Variants in PRRG3 observed in about 807,000 individuals in gnomAD.
PRRG3 encodes proline rich and Gla domain 3.
PRRG3 carries 21 observed loss-of-function variants against 15.8 expected under a neutral mutation model. That is an observed-to-expected ratio of 1.33 (90% CI 0.94 to 1.92). The LOEUF (loss-of-function observed/expected upper bound fraction) is 1.92. PRRG3 is among the 40% of genes most tolerant of loss of function. PRRG3 has a pLI of 0.00. For synonymous variants in PRRG3, 125 were observed against 84.1 expected (o/e 1.49, Z -2.66); for missense variants, 251 against 200.2 (o/e 1.25, Z -1.53).
Position 151,703,018 on chromosome X carries a change from A to G in PRRG3, c.*1985A>G, listed in dbSNP as rs986635818. 1.8e-5 allele frequency: 2 copies of G among 112,713 alleles called. No homozygotes were observed. Among genetic ancestry groups the G allele is most frequent in the African/African-American group, 6.5e-5 (2 of 30,985 alleles). The allele number at this position is 112,713 out of a possible 1,213,427, so 9.3% of individuals were successfully genotyped here. On this transcript the variant is annotated 3_prime_UTR_variant, in exon 4 of 4. Coordinates refer to ENST00000674457, the MANE Select transcript of PRRG3 (RefSeq NM_001372163.1). ...CTACTCAGTTAGCACAGAGCCAGGC[A>G]TGAGCTCCACTGATCAGAGCCAAAG...
chrX:151,700,724 C>A lies in PRRG3; in HGVS notation c.387C>A (p.Leu129=). 2 of 1,209,536 alleles carry A rather than the reference C, an allele frequency of 1.7e-6. No individual in the cohort carries two copies. Among genetic ancestry groups the A allele is most frequent in the East Asian group, 3.0e-5 (1 of 33,755 alleles). Residue 129 remains leucine (L), a synonymous_variant, in exon 4 of 4, where the codon CTC becomes CTA. Transcript: ENST00000674457. ...TAGCCAGTCGCGCCGGGCACACCCT[C>A]CCCCGGGTCATGGTGTACCGGGGTA... ...RYLASRAGHT[L]PRVMVYRGTV... is the part of the protein sequence containing the mutation.
At position 151,705,726 on chromosome X, in the gene PRRG3, G is replaced by A. The variant is rs1363203020; in HGVS notation, c.*4693G>A. On this transcript the variant is annotated 3_prime_UTR_variant, in exon 4 of 4. Coordinates refer to ENST00000674457, the MANE Select transcript of PRRG3 (RefSeq NM_001372163.1). ...CTTTAAACTGTGCTTGTATTCATGTGTTGACCCTTGTCAGCTGGGAAATCT... is the reference window on the plus strand; with the variant it reads ...CTTTAAACTGTGCTTGTATTCATGTATTGACCCTTGTCAGCTGGGAAATCT... 1 of 126,186 alleles carries A rather than the reference G, an allele frequency of 7.9e-6. No homozygotes were observed. Among genetic ancestry groups the A allele is most frequent in the East Asian group, 2.4e-4 (1 of 4,203 alleles). 10.4% of individuals were successfully genotyped at this position (126,186 alleles called of 1,213,427 possible). A position where few individuals can be genotyped will look rare whatever the true frequency, so the allele number is the denominator to read the frequency against.
At position 151,698,694 on chromosome X, in the gene PRRG3, G is replaced by A; in HGVS notation, c.-31-90G>A. On this transcript the variant is annotated intron_variant, in intron 1 of 3. Transcript: ENST00000674457. ...CTGCTTCAACCTTTTGACCACGCCA[G>A]TGGGAGGGGGGCACATCCCAGAGCC... 3 of 706,410 alleles carry A rather than the reference G, an allele frequency of 4.2e-6. No homozygotes were observed. In the South Asian group the frequency reaches 8.1e-5, roughly 19 times the overall value. 58.2% of individuals were successfully genotyped at this position (706,410 alleles called of 1,213,427 possible).
Position 151,705,305 on chromosome X carries a change from G to A in PRRG3, c.*4272G>A, listed in dbSNP as rs191108906. ...TGTCAGACTGGCCGCTCCATCATTC[G>A]CCTCCAAATATTCAAACGTGGGAGC... On this transcript the variant is annotated 3_prime_UTR_variant, in exon 4 of 4. Transcript: ENST00000674457. 5.6e-5 allele frequency: 19 copies of A among 341,629 alleles called. No homozygotes were observed. The highest frequency in any genetic ancestry group is 3.9e-4 in the East Asian group (4 of 10,260). The allele number at this position is 341,629 out of a possible 1,213,427, so 28.2% of individuals were successfully genotyped here. A position where few individuals can be genotyped will look rare whatever the true frequency, so the allele number is the denominator to read the frequency against.
rs966971861 is a variant in PRRG3 at position 151,701,040 on chromosome X, G to A, written c.*7G>A. 8.9e-6 allele frequency: 10 copies of A among 1,124,931 alleles called. 3 individuals are homozygous for A. The Admixed American group carries it at 2.0e-4, about 23-fold the overall frequency. The allele number at this position is 1,124,931 out of a possible 1,213,427, so 92.7% of individuals were successfully genotyped here. On this transcript the variant is annotated 3_prime_UTR_variant, in exon 4 of 4. Coordinates refer to ENST00000674457, the MANE Select transcript of PRRG3 (RefSeq NM_001372163.1). ...CCCTGGCGCTGACAAGTAGTGGGAC[G>A]TTTGTGCCCTGTCCTGGATGAACGC...
At chrX:151,697,606 C>G (rs2014790141) in intron 1 of PRRG3, among the ~76,000 whole-genome samples, 1 of 111,575 alleles carries the variant, frequency 9.0e-6, no homozygotes, top group Non-Finnish European at 1.9e-5. Flanking sequence ...AGCTGGGCTT[C>G]CAGGGTGCCT....
chrX:151,703,765 G>A lies in PRRG3; in HGVS notation c.*2732G>A, dbSNP rs771145512. On this transcript the variant is annotated 3_prime_UTR_variant, in exon 4 of 4. Coordinates refer to ENST00000674457, the MANE Select transcript of PRRG3 (RefSeq NM_001372163.1). The stretch of plus-strand genomic sequence containing the variant: ...CAGGTCTCCACCCTATGCAACCCCC[G>A]CTCACACGCCCTTTTGGCATGGTGC... The A allele has an allele frequency of 1.3e-4, 14 of 107,091 alleles. No individual in the cohort carries two copies. Among genetic ancestry groups the A allele is most frequent in the Non-Finnish European group, 2.5e-4 (13 of 52,248 alleles). The allele number at this position is 107,091 out of a possible 1,213,427, so 8.8% of individuals were successfully genotyped here.
chrX:151,699,179 C>T (rs780674113), intron 2 of PRRG3, among the ~76,000 whole-genome samples: 21 of 112,807 alleles, frequency 1.9e-4, no homozygotes, highest in African/African-American at 5.8e-4. Flanking sequence ...CAGGAGCAAA[C>T]GTCACCTCTT....
Position 151,701,534 on chromosome X carries a change from G to A in PRRG3, c.*501G>A, listed in dbSNP as rs2014886521. The A allele has an allele frequency of 8.7e-6, 1 of 114,834 alleles. No individual in the cohort carries two copies. Among genetic ancestry groups the A allele is most frequent in the Non-Finnish European group, 1.8e-5 (1 of 54,919 alleles). The allele number at this position is 114,834 out of a possible 1,213,427, so 9.5% of individuals were successfully genotyped here. Reference sequence around the variant, plus strand: ...CTTACATTTGGAGGACAGGGACAAGGACTGAGCAAAAACAAAATGAAAAAA... The same window carrying A: ...CTTACATTTGGAGGACAGGGACAAGAACTGAGCAAAAACAAAATGAAAAAA... On this transcript the variant is annotated 3_prime_UTR_variant, in exon 4 of 4. Transcript: ENST00000674457.
rs1422771237 is a variant in PRRG3, at chrX:151,701,853, C to T, written c.*820C>T. ...CTGTGTTCAAACCACTACCCACTGG[C>T]ATGAGCCTACTTTTTGCGAATGGTG... On this transcript the variant is annotated 3_prime_UTR_variant, in exon 4 of 4. Transcript: ENST00000674457. 4 of 112,859 alleles carry T rather than the reference C, an allele frequency of 3.5e-5. No homozygotes were observed. Among genetic ancestry groups the T allele is most frequent in the Non-Finnish European group, 7.5e-5 (4 of 53,375 alleles). 9.3% of individuals were successfully genotyped at this position (112,859 alleles called of 1,213,427 possible). A position where few individuals can be genotyped will look rare whatever the true frequency, so the allele number is the denominator to read the frequency against.
rs1233779212 is a variant in PRRG3 at position 151,703,590 on chromosome X, T to C, written c.*2557T>C. On this transcript the variant is annotated 3_prime_UTR_variant, in exon 4 of 4. Coordinates refer to ENST00000674457, the MANE Select transcript of PRRG3 (RefSeq NM_001372163.1). ...GGGATCCGGTCTGAAAAGAGGAATG[T>C]CACCTCCCCTCGCAGGGCTGAGTAG... is the stretch of plus-strand genomic sequence containing the variant. The C allele has an allele frequency of 9.0e-6, 1 of 110,792 alleles. No homozygotes were observed. Among genetic ancestry groups the C allele is most frequent in the Non-Finnish European group, 1.9e-5 (1 of 52,980 alleles). 9.1% of individuals were successfully genotyped at this position (110,792 alleles called of 1,213,427 possible).
rs763576013 is a variant in PRRG3 at position 151,704,063 on chromosome X, C to T, written c.*3030C>T. 9.3e-6 allele frequency: 1 copy of T among 108,050 alleles called. No individual in the cohort carries two copies. Among genetic ancestry groups the T allele is most frequent in the Non-Finnish European group, 1.9e-5 (1 of 52,245 alleles). The allele number at this position is 108,050 out of a possible 1,213,427, so 8.9% of individuals were successfully genotyped here. On this transcript the variant is annotated 3_prime_UTR_variant, in exon 4 of 4. Coordinates refer to ENST00000674457, the MANE Select transcript of PRRG3 (RefSeq NM_001372163.1). ...AAAAATTTTCTTGAAATGTGACTGT[C>T]ACTTGTTTTCAACCAAAAACTTTTT...
chrX:151,702,665 TCCA>T lies in PRRG3; in HGVS notation c.*1634_*1636del, dbSNP rs2014905198. The T allele has an allele frequency of 8.9e-6, 1 of 112,525 alleles. No individual in the cohort carries two copies. Among genetic ancestry groups the T allele is most frequent in the Non-Finnish European group, 1.9e-5 (1 of 53,287 alleles). The allele number at this position is 112,525 out of a possible 1,213,427, so 9.3% of individuals were successfully genotyped here. ...CCTCATATGCCTCTGATGTTGAGTC[TCCA>T]CTTGGAGAGTCAATCTCCCGTCAGT... On this transcript the variant is annotated 3_prime_UTR_variant, in exon 4 of 4. Transcript: ENST00000674457.
chrX:151,705,574 A>G lies in PRRG3; in HGVS notation c.*4541A>G, dbSNP rs1421692401. 1 of 252,755 alleles carries G rather than the reference A, an allele frequency of 4.0e-6. No individual in the cohort carries two copies. Among genetic ancestry groups the G allele is most frequent in the African/African-American group, 2.9e-5 (1 of 34,616 alleles). The allele number at this position is 252,755 out of a possible 1,213,427, so 20.8% of individuals were successfully genotyped here. On this transcript the variant is annotated 3_prime_UTR_variant, in exon 4 of 4. Transcript: ENST00000674457. ...CAATCCATCTCCCCTCATCGATACC[A>G]ATTTCCCAGGCCTGAACACATCTGT...
In PRRG3 at chrX:151,700,091, G is replaced by A. The variant is rs2014837353; in HGVS notation, c.103G>A (p.Glu35Lys). ...GCTGCGCCAGGGCACCATCGAGCGA[G>A]AGTGCATGGAGGAGATCTGCAGCTA... ...EELRQGTIERECMEEICSYEE... is the reference protein window; with the variant it reads ...EELRQGTIERKCMEEICSYEE... Residue 35 changes from glutamate to lysine, a missense_variant, in exon 3 of 4, where the codon GAG (glutamate) becomes AAG (lysine). Coordinates refer to ENST00000674457, the MANE Select transcript of PRRG3 (RefSeq NM_001372163.1). 1 of 1,212,031 alleles carries A rather than the reference G, an allele frequency of 8.3e-7. No homozygotes were observed. The highest frequency in any genetic ancestry group is 1.1e-6 in the Non-Finnish European group (1 of 895,546).
chrX:151,696,142 G>A (rs1194402463), intron 1 of PRRG3, among the ~76,000 whole-genome samples: 2 of 111,628 alleles, frequency 1.8e-5, no homozygotes, highest in African/African-American at 3.3e-5. Flanking sequence ...AATTCCTTCC[G>A]CCTACAGTCA....
chrX:151,698,944 C>G, intron 2 of PRRG3, 123 bp downstream of exon 2: 1 of 608,126 alleles, frequency 1.6e-6, no homozygotes, highest in Non-Finnish European at 2.6e-6. Flanking sequence ...AGCCATTTTC[C>G]AAATGGCTGA....
chrX:151,698,958 G>A (rs2014814274), intron 2 of PRRG3, 137 bp downstream of exon 2: 2 of 525,146 alleles, frequency 3.8e-6, no homozygotes, highest in South Asian at 3.5e-5. Context: ...TGGCTGAGTA[G>A]CAGTTTTGCC....
rs1424395368 is a variant in PRRG3, at chrX:151,703,848, C to A, written c.*2815C>A. The A allele has an allele frequency of 3.3e-4, 24 of 71,857 alleles. 1 individual carries two copies. The highest frequency in any genetic ancestry group is 1.3e-3 in the African/African-American group (24 of 17,983). The allele number at this position is 71,857 out of a possible 1,213,427, so 5.9% of individuals were successfully genotyped here. ...GCAGCTGAAAGAAATCTGAGTACTC[C>A]TGGGCATGGTTTTTTTTTTTTTTTT... On this transcript the variant is annotated 3_prime_UTR_variant, in exon 4 of 4. Coordinates refer to ENST00000674457, the MANE Select transcript of PRRG3 (RefSeq NM_001372163.1).
Sources: allele counts gnomAD v4.1 joint callset (sites outside exome capture counted in the v4.1 genomes callset), GRCh38; gene constraint gnomAD v4.1.1; transcripts MANE v1.5; gene names NCBI Gene and HGNC (gene_info 2026-07-23, HGNC 2026-07-21).